STX7: variants seen among roughly 807,000 people sequenced by gnomAD.
STX7 encodes the protein syntaxin 7.
Under a neutral mutation model 39.6 loss-of-function variants are expected in STX7, and 34 were observed. That is an observed-to-expected ratio of 0.86 (90% CI 0.65 to 1.14). The LOEUF (loss-of-function observed/expected upper bound fraction) is 1.14, where lower values mean the gene tolerates loss of function less well. Ranked by LOEUF, STX7 falls within the 50% of genes most tolerant of loss-of-function variation. STX7 has a pLI of 0.00. For missense variants in STX7, 284 were observed against 310.4 expected (o/e 0.92, Z 0.64); for synonymous variants, 119 against 99.1 (o/e 1.20, Z -1.19).
chr6:132,512,851 G>GC (rs1775887685), intron 1 of STX7, among the ~76,000 whole-genome samples, 156 bp downstream of exon 1: 1 of 152,284 alleles, frequency 6.6e-6, no homozygotes, highest in Admixed American at 6.5e-5. Context: ...CGGGAGCTGG[G>GC]GCAGTCCCGC....
intron 9 of STX7, among the ~76,000 whole-genome samples, chr6:132,462,429 A>T (rs1774432130): frequency 6.6e-6 from 1 of 152,168 alleles, no homozygotes; most frequent in Non-Finnish European, 1.5e-5. Flanking sequence ...GCCTTCCACA[A>T]GGAAGAGGAA....
intron 2 of STX7, among the ~76,000 whole-genome samples, chr6:132,499,938 A>C (rs1243676257): frequency 2.6e-5 from 4 of 152,150 alleles, no homozygotes. Flanking sequence ...GCCACCACCT[A>C]GTCGGTTGCT....
Position 132,453,588 on chromosome 6 carries a change from C to T in STX7, c.*7170G>A, listed in dbSNP as rs1774184541. 6.6e-6 allele frequency: 1 copy of T among 151,148 alleles called. No homozygotes were observed. The highest frequency in any genetic ancestry group is 2.1e-4 in the South Asian group (1 of 4,790). 9.4% of individuals were successfully genotyped at this position (151,148 alleles called of 1,614,324 possible). A position where few individuals can be genotyped will look rare whatever the true frequency, so the allele number is the denominator to read the frequency against. The stretch of plus-strand genomic sequence containing the variant: ...TTATTTAAAAGCCCTCAAAACTCAA[C>T]AGAAAAAAAATCCAATTAGAAAAGA... On this transcript the variant is annotated 3_prime_UTR_variant, in exon 10 of 10. Coordinates refer to ENST00000367941, the MANE Select transcript of STX7 (RefSeq NM_003569.3).
At position 132,471,522 on chromosome 6, in the gene STX7, G is replaced by T. The variant is rs767785107; in HGVS notation, c.328C>A (p.Gln110Lys). 2 of 1,613,954 alleles carry T rather than the reference G, an allele frequency of 1.2e-6. No individual in the cohort carries two copies. Among genetic ancestry groups the T allele is most frequent in the Non-Finnish European group, 1.7e-6 (2 of 1,179,952 alleles). The change falls in exon 5 of 10, where the codon CAG becomes AAG. Residue 110 changes from glutamine (Q) to lysine (K), a missense_variant. Gln to Lys is a moderately conservative substitution (Grantham distance 53, BLOSUM62 1). Coordinates refer to ENST00000367941, the MANE Select transcript of STX7 (RefSeq NM_003569.3). ...SLTNFQKVQR[Q>K]AAEREKEFVA... The stretch of plus-strand genomic sequence containing the variant: ...AACTCTTTCTCTCGCTCAGCAGCCT[G>T]CCTCTGGACCTTCTGGAAGTTTGTC...
intron 7 of STX7, 93 bp from the exon 8 acceptor site, chr6:132,468,568 C>G: frequency 1.4e-6 from 1 of 738,784 alleles, no homozygotes; most frequent in Non-Finnish European, 2.3e-6. Context: ...ACTACTCACA[C>G]ATGGGTGAGC....
chr6:132,507,687 A>T (rs1455885102), intron 1 of STX7, among the ~76,000 whole-genome samples: 1 of 152,220 alleles, frequency 6.6e-6, no homozygotes, highest in Non-Finnish European at 1.5e-5. Flanking sequence ...TTGCCAAATA[A>T]TATTCCAAGG....
In STX7 at chr6:132,458,726, C is replaced by A. The variant is rs943902256; in HGVS notation, c.*2032G>T. The stretch of plus-strand genomic sequence containing the variant: ...TTAATTTTCTCTAATCAATACTACT[C>A]TTACGTTCCAAATATTTCATGGGAA... On this transcript the variant is annotated 3_prime_UTR_variant, in exon 10 of 10. Coordinates refer to ENST00000367941, the MANE Select transcript of STX7 (RefSeq NM_003569.3). 1 of 152,184 alleles carries A rather than the reference C, an allele frequency of 6.6e-6. No homozygotes were observed. The highest frequency in any genetic ancestry group is 1.5e-5 in the Non-Finnish European group (1 of 68,018). The allele number at this position is 152,184 out of a possible 1,614,324, so 9.4% of individuals were successfully genotyped here.
At chr6:132,487,807 A>AT (rs1185841218) in intron 2 of STX7, among the ~76,000 whole-genome samples, 7 of 151,732 alleles carry the variant, frequency 4.6e-5, no homozygotes, top group Non-Finnish European at 8.8e-5. Flanking sequence ...TGTTTCTTCT[A>AT]TTTTTTTCAT....
rs193080442 is a variant in STX7 at position 132,464,825 on chromosome 6, C to T, written c.611-750G>A. Reference sequence around the variant, plus strand: ...TTCTGTGCTAAAATCTAGCCCTCACCGAGGGCCCATGAAGCCTTCTCAATT... The same window carrying T: ...TTCTGTGCTAAAATCTAGCCCTCACTGAGGGCCCATGAAGCCTTCTCAATT... On this transcript the variant is annotated intron_variant, in intron 8 of 9. Coordinates refer to ENST00000367941, the MANE Select transcript of STX7 (RefSeq NM_003569.3). Among the ~76,000 whole-genome samples the T allele has an allele frequency of 2.2e-3, 340 of 152,214 alleles. 4 individuals are homozygous for T. The highest frequency in any genetic ancestry group is 5.1e-4 in the Non-Finnish European group (35 of 68,002).
At chr6:132,463,217 G>C (rs1389365778) in intron 9 of STX7, among the ~76,000 whole-genome samples, 1 of 151,912 alleles carries the variant, frequency 6.6e-6, no homozygotes, top group Non-Finnish European at 1.5e-5. Context: ...CAAAAAAAAA[G>C]TTAATAAGGT....
At chr6:132,506,230 G>C (rs999602675) in intron 1 of STX7, among the ~76,000 whole-genome samples, 1 of 151,888 alleles carries the variant, frequency 6.6e-6, no homozygotes, top group Admixed American at 6.6e-5. Context: ...CAGGCAACAA[G>C]ACAAAAAACA....
At chr6:132,475,067 A>C (rs1362825414) in intron 3 of STX7, among the ~76,000 whole-genome samples, 2 of 152,134 alleles carry the variant, frequency 1.3e-5, no homozygotes, top group Non-Finnish European at 2.9e-5. Context: ...ACCTACCTAA[A>C]AACTGTAAGA....
chr6:132,469,167 T>C (rs183493397), intron 7 of STX7, among the ~76,000 whole-genome samples: 75 of 152,328 alleles, frequency 4.9e-4, no homozygotes, highest in African/African-American at 1.5e-3. Flanking sequence ...GCCTTCTTTC[T>C]AGGAACTAAG....
chr6:132,475,352 G>A lies in STX7; in HGVS notation c.155+241C>T, dbSNP rs1310819722. The A allele has an allele frequency of 2.2e-5, 6 of 266,840 alleles. No individual in the cohort carries two copies. The Admixed American group carries it at 3.2e-4, about 14-fold the overall frequency. The allele number at this position is 266,840 out of a possible 1,614,324, so 16.5% of individuals were successfully genotyped here. ...TTGGCCAGGTTGGTCTCGAACTCCT[G>A]AACTTGTGATCTGCCCACCTCAGTC... is the stretch of plus-strand genomic sequence containing the variant. On this transcript the variant is annotated intron_variant, in intron 3 of 9. Coordinates refer to ENST00000367941, the MANE Select transcript of STX7 (RefSeq NM_003569.3).
intron 9 of STX7, among the ~76,000 whole-genome samples, chr6:132,463,296 A>G (rs1299753650): frequency 6.6e-6 from 1 of 152,206 alleles, no homozygotes; most frequent in Non-Finnish European, 1.5e-5. Flanking sequence ...CAAATGCTAC[A>G]TGGTATTTAG....
At chr6:132,507,043 T>C (rs1194301082) in intron 1 of STX7, among the ~76,000 whole-genome samples, 1 of 152,176 alleles carries the variant, frequency 6.6e-6, no homozygotes, top group Non-Finnish European at 1.5e-5. Context: ...TTAAGTGAAA[T>C]GACTCAGAAA....
chr6:132,503,668 C>G, intron 1 of STX7, 80 bp from the exon 2 acceptor site: 1 of 574,200 alleles, frequency 1.7e-6, no homozygotes. Flanking sequence ...TGTGAAGTTA[C>G]AAGGACAAAC....
At position 132,458,005 on chromosome 6, in the gene STX7, C is replaced by T. The variant is rs1774287918; in HGVS notation, c.*2753G>A. ...ATAAAAATTATACCAACTACATAAA[C>T]TATTTTGTACTTTCCTTGCTAAACC... On this transcript the variant is annotated 3_prime_UTR_variant, in exon 10 of 10. Transcript: ENST00000367941. 6.6e-6 allele frequency: 1 copy of T among 152,162 alleles called. No homozygotes were observed. Among genetic ancestry groups the T allele is most frequent in the Admixed American group, 6.5e-5 (1 of 15,270 alleles). The allele number at this position is 152,162 out of a possible 1,614,324, so 9.4% of individuals were successfully genotyped here. A position where few individuals can be genotyped will look rare whatever the true frequency, so the allele number is the denominator to read the frequency against.
In STX7 at chr6:132,503,434, A is replaced by G. The variant is rs781399587; in HGVS notation, c.85+12T>C. Reference sequence around the variant, plus strand: ...GATACAAATAGTGAAGTCCATTTAAAACTCAACTCACAACACTGTGTGATC... The same window carrying G: ...GATACAAATAGTGAAGTCCATTTAAGACTCAACTCACAACACTGTGTGATC... On this transcript the variant is annotated intron_variant, in intron 2 of 9. Coordinates refer to ENST00000367941, the MANE Select transcript of STX7 (RefSeq NM_003569.3). 6.2e-7 allele frequency: 1 copy of G among 1,611,970 alleles called. No individual in the cohort carries two copies. Among genetic ancestry groups the G allele is most frequent in the South Asian group, 1.1e-5 (1 of 90,994 alleles).
Sources: allele counts gnomAD v4.1 joint callset (sites outside exome capture counted in the v4.1 genomes callset), GRCh38; gene constraint gnomAD v4.1.1; transcripts MANE v1.5; gene names NCBI Gene and HGNC (gene_info 2026-07-23, HGNC 2026-07-21).